Variants in HNRNPL observed in about 807,000 individuals in gnomAD.
The protein encoded by HNRNPL is heterogeneous nuclear ribonucleoprotein L.
HNRNPL carries 12 observed loss-of-function variants against 64.0 expected under a neutral mutation model. That is an observed-to-expected ratio of 0.19 (90% CI 0.12 to 0.30). HNRNPL has a LOEUF of 0.30. Among genes scored for constraint, HNRNPL ranks in the 10% least tolerant of loss-of-function variants. The probability of loss-of-function intolerance (pLI) is 1.00; values close to 1 mark genes in which losing one functional copy is unlikely to be tolerated. For synonymous variants in HNRNPL, 385 were observed against 313.0 expected (o/e 1.23, Z -2.43); for missense variants, 484 against 797.4 (o/e 0.61, Z 4.73).
chr19:38,837,797 C>G lies in HNRNPL; in HGVS notation c.1558-146G>C, dbSNP rs924612391. 15 of 670,484 alleles carry G rather than the reference C, an allele frequency of 2.2e-5. No homozygotes were observed. The African/African-American group carries it at 2.7e-4, about 12-fold the overall frequency. The allele number at this position is 670,484 out of a possible 1,614,324, so 41.5% of individuals were successfully genotyped here. ...TTTTATCACATACCCTAAGGCATCC[C>G]TGTGTCATAAAAAGGCCAGCAACAA... On this transcript the variant is annotated intron_variant, in intron 10 of 12. Transcript: ENST00000221419.
intron 6 of HNRNPL, 66 bp downstream of exon 6, chr19:38,843,776 A>T: frequency 7.5e-7 from 1 of 1,325,170 alleles, no homozygotes; most frequent in Non-Finnish European, 1.1e-6. Context: ...GCCCAGGCCT[A>T]TTAAGTGCAC....
At chr19:38,839,694 T>C (rs1015913693) in intron 8 of HNRNPL, 9 of 205,164 alleles carry the variant, frequency 4.4e-5, no homozygotes, top group African/African-American at 2.1e-4. Flanking sequence ...TGGTCTCAGG[T>C]AGACACTCAG....
chr19:38,837,656 A>T lies in HNRNPL; in HGVS notation c.1558-5T>A, dbSNP rs1971973507. ...CACTCCCAGCTCATCGCAGATCTGC[A>T]AAAGAAAACAGGTAGTAAATGAACT... On this transcript the variant is annotated splice_polypyrimidine_tract_variant and splice_region_variant and intron_variant, in intron 10 of 12. Transcript: ENST00000221419. 1 of 1,613,984 alleles carries T rather than the reference A, an allele frequency of 6.2e-7. No individual in the cohort carries two copies.
intron 8 of HNRNPL, 128 bp downstream of exon 8, chr19:38,839,968 G>A: frequency 6.2e-6 from 5 of 802,012 alleles, no homozygotes; most frequent in Admixed American, 6.2e-5. Context: ...GGCTGCCTGA[G>A]CTCACTGAGT....
At position 38,849,727 on chromosome 19, in the gene HNRNPL, G is replaced by C; in HGVS notation, c.240C>G (p.Ala80=). 2 of 1,372,834 alleles carry C rather than the reference G, an allele frequency of 1.5e-6. No homozygotes were observed. Among genetic ancestry groups the C allele is most frequent in the Non-Finnish European group, 1.9e-6 (2 of 1,069,792 alleles). 85.0% of individuals were successfully genotyped at this position (1,372,834 alleles called of 1,614,324 possible). Reference sequence around the variant, plus strand: ...CACCGCCGCCGCCGCCCGCCGCCCCGGCTCCTCCACCGCCACCGCCGCCGC... The same window carrying C: ...CACCGCCGCCGCCGCCCGCCGCCCCCGCTCCTCCACCGCCACCGCCGCCGC... ...HGGGGGGGGG[A]GAAGGGGGGE... The change falls in exon 1 of 13, where the codon GCC becomes GCG. Residue 80 remains alanine, a synonymous_variant. Transcript: ENST00000221419.
chr19:38,836,947 C>T (rs191008499), intron 12 of HNRNPL, 167 bp from the exon 13 acceptor site: 90 of 575,416 alleles, frequency 1.6e-4, no homozygotes, highest in Non-Finnish European at 1.9e-4. Context: ...CAATTATGCA[C>T]GGCGTTTCTC....
intron 1 of HNRNPL, among the ~76,000 whole-genome samples, 169 bp downstream of exon 1, chr19:38,849,531 C>G (rs1368247768): frequency 2.0e-5 from 3 of 152,130 alleles, no homozygotes; most frequent in Admixed American, 6.5e-5. Flanking sequence ...GGCGCCTGTC[C>G]TCGCGCAAAC....
Position 38,849,680 on chromosome 19 carries a change from G to A in HNRNPL, c.267+20C>T, listed in dbSNP as rs745801885. 7 of 1,323,292 alleles carry A rather than the reference G, an allele frequency of 5.3e-6. No individual in the cohort carries two copies. The highest frequency in any genetic ancestry group is 1.5e-5 in the African/African-American group (1 of 64,728). The allele number at this position is 1,323,292 out of a possible 1,614,324, so 82.0% of individuals were successfully genotyped here. On this transcript the variant is annotated intron_variant, in intron 1 of 12. Coordinates refer to ENST00000221419, the MANE Select transcript of HNRNPL (RefSeq NM_001533.3). Reference sequence around the variant, plus strand: ...TCCCCCAGTTCCCGGCCTTCCCAGCGCCTAGGGCCCTGGCCTCACCCCACC... The same window carrying A: ...TCCCCCAGTTCCCGGCCTTCCCAGCACCTAGGGCCCTGGCCTCACCCCACC...
rs1328537671 is a variant in HNRNPL, at chr19:38,844,002, A to G, written c.807+6T>C. 1.2e-6 allele frequency: 2 copies of G among 1,612,292 alleles called. No individual in the cohort carries two copies. The highest frequency in any genetic ancestry group is 3.3e-5 in the Admixed American group (2 of 60,014). On this transcript the variant is annotated splice_donor_region_variant and intron_variant, in intron 5 of 12. Transcript: ENST00000221419. ...CAAGGGGCAGTCAGTCACCTCCCAG[A>G]TGTACCTTTGCGTATTCGATCTTCA...
intron 10 of HNRNPL, 127 bp downstream of exon 10, chr19:38,838,270 T>C (rs1301883688): frequency 3.2e-5 from 23 of 725,204 alleles, no homozygotes; most frequent in Non-Finnish European, 4.7e-5. Context: ...GCTGTGTCCC[T>C]AGCACTCAAC....
intron 12 of HNRNPL, 75 bp from the exon 13 acceptor site, chr19:38,836,855 C>T: frequency 9.2e-7 from 1 of 1,081,338 alleles, no homozygotes; most frequent in South Asian, 1.4e-5. Flanking sequence ...CAAGTTTGTA[C>T]CCATCTCCCA....
chr19:38,842,187 A>G (rs567268516), intron 6 of HNRNPL: 1 of 151,600 alleles, frequency 6.6e-6, no homozygotes, highest in Non-Finnish European at 1.5e-5. Flanking sequence ...AAATAAAAAT[A>G]TCAAAACAGA....
chr19:38,846,215 C>T (rs1291214917), intron 2 of HNRNPL, 125 bp from the exon 3 acceptor site: 4 of 762,734 alleles, frequency 5.2e-6, no homozygotes, highest in South Asian at 4.6e-5. Context: ...TATCATGGTT[C>T]CCCGACCTGA....
At chr19:38,838,775 C>T in intron 9 of HNRNPL, 119 bp downstream of exon 9, 1 of 1,422,592 alleles carries the variant, frequency 7.0e-7, no homozygotes, top group Non-Finnish European at 9.8e-7. Flanking sequence ...AACACACCTG[C>T]CACATCCCAT....
chr19:38,848,257 A>AT (rs1029668901), intron 1 of HNRNPL, among the ~76,000 whole-genome samples: 12 of 151,832 alleles, frequency 7.9e-5, no homozygotes, highest in Admixed American at 2.0e-4. Flanking sequence ...CACCTGGCTA[A>AT]TTTTTTTGTA....
rs1972282763 is a variant in HNRNPL at position 38,846,035 on chromosome 19, A to G, written c.442T>C (p.Leu148=). The G allele has an allele frequency of 3.1e-6, 5 of 1,614,156 alleles. No individual in the cohort carries two copies. Among genetic ancestry groups the G allele is most frequent in the South Asian group, 1.1e-5 (1 of 91,082 alleles). The change falls in exon 3 of 13, where the codon TTG becomes CTG. Residue 148 remains leucine (L), a synonymous_variant. Coordinates refer to ENST00000221419, the MANE Select transcript of HNRNPL (RefSeq NM_001533.3). ...RQALVEFEDV[L]GACNAVNYAA... is the part of the protein sequence containing the mutation. ...TAGTTCACTGCGTTGCAAGCCCCCA[A>G]CACATCTTCAAACTCCACCAGTGCT...
chr19:38,842,585 G>T (rs566223741), intron 6 of HNRNPL, among the ~76,000 whole-genome samples: 1 of 152,226 alleles, frequency 6.6e-6, no homozygotes, highest in Non-Finnish European at 1.5e-5. Flanking sequence ...TTCTGGGGAC[G>T]TGGTGGAGGC....
upstream of HNRNPL, among the ~76,000 whole-genome samples, chr19:38,850,698 C>G (rs1279503206): frequency 6.6e-6 from 1 of 152,232 alleles, no homozygotes; most frequent in Non-Finnish European, 1.5e-5. Flanking sequence ...CCAAGATTGA[C>G]AGGAACTCCC....
At chr19:38,842,717 T>G (rs2082762298) in intron 6 of HNRNPL, among the ~76,000 whole-genome samples, 1 of 152,046 alleles carries the variant, frequency 6.6e-6, no homozygotes, top group Admixed American at 6.5e-5. Context: ...CCGCCCTCAC[T>G]CCAGGTCACC....
Sources: allele counts gnomAD v4.1 joint callset (sites outside exome capture counted in the v4.1 genomes callset), GRCh38; gene constraint gnomAD v4.1.1; transcripts MANE v1.5; gene names NCBI Gene and HGNC (gene_info 2026-07-23, HGNC 2026-07-21).